RHOQ: variants seen among roughly 807,000 people sequenced by gnomAD.
RHOQ encodes ras homolog family member Q, also known as rho-related GTP-binding protein RhoQ.
In RHOQ, 7 loss-of-function variants were observed where a neutral mutation model predicts 25.8. The ratio of observed to expected loss-of-function variants is 0.27; its 90% CI spans 0.15 to 0.51. RHOQ has a LOEUF of 0.51. RHOQ is among the 20% of genes least tolerant of loss of function. The pLI is 0.97. For missense variants in RHOQ, 165 were observed against 260.6 expected (o/e 0.63, Z 2.53); for synonymous variants, 97 against 98.6 (o/e 0.98, Z 0.10).
chr2:46,581,454 A>G lies in RHOQ; in HGVS notation c.*371A>G. 1 of 1,606,006 alleles carries G rather than the reference A, an allele frequency of 6.2e-7. No homozygotes were observed. The highest frequency in any genetic ancestry group is 8.5e-7 in the Non-Finnish European group (1 of 1,176,524). ...GCCCAGCCCTTACAGAATCTGCACA[A>G]AGAAATATCTCCCTTTGCTCCAGTT... On this transcript the variant is annotated 3_prime_UTR_variant, in exon 5 of 5. Transcript: ENST00000238738.
At chr2:46,564,972 C>A (rs1436546215) in intron 2 of RHOQ, among the ~76,000 whole-genome samples, 2 of 152,200 alleles carry the variant, frequency 1.3e-5, no homozygotes, top group Non-Finnish European at 2.9e-5. Flanking sequence ...TGAATAATCT[C>A]CATGAGCTGC....
chr2:46,576,765 G>A lies in RHOQ; in HGVS notation c.462+109G>A. The stretch of plus-strand genomic sequence containing the variant: ...GTGTGCCAGGTGGAGTGCTTTACAT[G>A]CATTATCTCATTTAATCCTTGCATG... On this transcript the variant is annotated intron_variant, in intron 4 of 4. Transcript: ENST00000238738. The surrounding 1 kb of genome is among the most constrained non-coding windows in gnomAD (Gnocchi z 5.1). 2.9e-6 allele frequency: 2 copies of A among 694,066 alleles called. No homozygotes were observed. Among genetic ancestry groups the A allele is most frequent in the Non-Finnish European group, 4.9e-6 (2 of 411,206 alleles). 43.0% of individuals were successfully genotyped at this position (694,066 alleles called of 1,614,324 possible).
At chr2:46,557,875 A>G (rs1277901130) in intron 2 of RHOQ, among the ~76,000 whole-genome samples, 1 of 152,122 alleles carries the variant, frequency 6.6e-6, no homozygotes, top group Non-Finnish European at 1.5e-5. Context: ...TCCACTTCCT[A>G]TCCACCTTTC....
chr2:46,552,051 A>T lies in RHOQ; in HGVS notation c.201+8239A>T, dbSNP rs1252274182. Among the ~76,000 whole-genome samples the T allele has an allele frequency of 1.3e-5, 2 of 152,228 alleles. No homozygotes were observed. The highest frequency in any genetic ancestry group is 4.8e-5 in the African/African-American group (2 of 41,458). ...TCCCTAATCATCTGGCCCATGTTAA[A>T]TGCCTCTTTTATCACATGCACTGTT... On this transcript the variant is annotated intron_variant, in intron 2 of 4. Coordinates refer to ENST00000238738, the MANE Select transcript of RHOQ (RefSeq NM_012249.4). The surrounding 1 kb of genome is among the most constrained non-coding windows in gnomAD (Gnocchi z 5.0).
intron 2 of RHOQ, among the ~76,000 whole-genome samples, chr2:46,571,096 C>T (rs1012557027): frequency 6.6e-6 from 1 of 152,216 alleles, no homozygotes; most frequent in Admixed American, 6.5e-5. Flanking sequence ...CGTTCAAGTT[C>T]TCTCCATTCT....
intron 2 of RHOQ, among the ~76,000 whole-genome samples, chr2:46,561,991 T>C (rs1406060488): frequency 6.6e-6 from 1 of 152,154 alleles, no homozygotes; most frequent in Non-Finnish European, 1.5e-5. Context: ...CACTGGTTGC[T>C]TAACTAAGCC....
At position 46,543,064 on chromosome 2, in the gene RHOQ, C is replaced by A. The variant is rs750124368; in HGVS notation, c.18C>A (p.Gly6=). The change falls in exon 1 of 5, where the codon GGC becomes GGA. Residue 6 remains glycine (G), a synonymous_variant. Transcript: ENST00000238738. MAHGP[G]ALMLKCVVVG... Reference sequence around the variant, plus strand: ...GCAGCAGCATGGCTCACGGGCCCGGCGCGCTGATGCTCAAGTGCGTGGTGG... The same window carrying A: ...GCAGCAGCATGGCTCACGGGCCCGGAGCGCTGATGCTCAAGTGCGTGGTGG... 1.9e-6 allele frequency: 3 copies of A among 1,601,938 alleles called. No homozygotes were observed. In the African/African-American group the frequency reaches 4.1e-5, roughly 22 times the overall value.
intron 2 of RHOQ, among the ~76,000 whole-genome samples, chr2:46,553,224 T>C (rs1300423079): frequency 6.6e-6 from 1 of 152,180 alleles, no homozygotes; most frequent in Non-Finnish European, 1.5e-5. Flanking sequence ...GCAACCCATC[T>C]CCACCCCCTG....
At chr2:46,565,271 A>G (rs1668696549) in intron 2 of RHOQ, among the ~76,000 whole-genome samples, 1 of 152,192 alleles carries the variant, frequency 6.6e-6, no homozygotes, top group Non-Finnish European at 1.5e-5. Flanking sequence ...CCCCAGGGGC[A>G]TGTGTCTGAG....
rs573465366 is a variant in RHOQ, at chr2:46,565,741, C to T, written c.202-10346C>T. Among the ~76,000 whole-genome samples, 9 of 152,318 alleles carry T rather than the reference C, an allele frequency of 5.9e-5. No homozygotes were observed. The South Asian group carries it at 1.4e-3, about 25-fold the overall frequency. On this transcript the variant is annotated intron_variant, in intron 2 of 4. Transcript: ENST00000238738. ...CTCACTTCACCTTCCCATGAGCTAC[C>T]GTCATTGATTCAGCGGGAATGTAAT...
rs1025830194 is a variant in RHOQ, at chr2:46,548,482, G to A, written c.201+4670G>A. Reference sequence around the variant, plus strand: ...CACCCTTCAAGGTAGACTTCTCCCAGATGAGGAAATTGGGAACAAGTGGGC... The same window carrying A: ...CACCCTTCAAGGTAGACTTCTCCCAAATGAGGAAATTGGGAACAAGTGGGC... On this transcript the variant is annotated intron_variant, in intron 2 of 4. Transcript: ENST00000238738. The surrounding 1 kb of genome is among the most constrained non-coding windows in gnomAD (Gnocchi z 5.2). Among the ~76,000 whole-genome samples, 3 of 152,216 alleles carry A rather than the reference G, an allele frequency of 2.0e-5. No individual in the cohort carries two copies. Among genetic ancestry groups the A allele is most frequent in the African/African-American group, 7.2e-5 (3 of 41,460 alleles).
At chr2:46,575,797 C>T (rs1669102031) in intron 2 of RHOQ, among the ~76,000 whole-genome samples, 1 of 152,126 alleles carries the variant, frequency 6.6e-6, no homozygotes. Context: ...TTTGTGCAAA[C>T]TTTTTAGTTA....
Position 46,582,622 on chromosome 2 carries a change from T to C in RHOQ, c.*1539T>C, listed in dbSNP as rs998027956. ...CATTTAAACTTGCTGTTGCCCAAAT[T>C]ATAATTTTTTAAATGTCTTTGGTGG... On this transcript the variant is annotated 3_prime_UTR_variant, in exon 5 of 5. Transcript: ENST00000238738. 1 of 152,646 alleles carries C rather than the reference T, an allele frequency of 6.6e-6. No individual in the cohort carries two copies. Among genetic ancestry groups the C allele is most frequent in the Non-Finnish European group, 1.5e-5 (1 of 68,034 alleles). The allele number at this position is 152,646 out of a possible 1,614,324, so 9.5% of individuals were successfully genotyped here. A position where few individuals can be genotyped will look rare whatever the true frequency, so the allele number is the denominator to read the frequency against.
At chr2:46,567,679 A>T (rs774875417) in intron 2 of RHOQ, among the ~76,000 whole-genome samples, 13 of 152,110 alleles carry the variant, frequency 8.5e-5, no homozygotes, top group Non-Finnish European at 1.5e-4. Flanking sequence ...GGCATAAGCC[A>T]CTGCACCCAG....
chr2:46,546,747 G>C (rs1003476502), intron 2 of RHOQ, among the ~76,000 whole-genome samples: 3 of 151,824 alleles, frequency 2.0e-5, no homozygotes, highest in Non-Finnish European at 2.9e-5. Flanking sequence ...CTGATACTTT[G>C]TGCATAGTGG....
At chr2:46,563,320 G>A (rs1255543909) in intron 2 of RHOQ, among the ~76,000 whole-genome samples, 3 of 152,206 alleles carry the variant, frequency 2.0e-5, no homozygotes, top group Non-Finnish European at 4.4e-5. Flanking sequence ...TCAGTGAGGT[G>A]GCAGCTGACC....
At chr2:46,579,617 G>A (rs571930367) in intron 4 of RHOQ, among the ~76,000 whole-genome samples, 5 of 152,256 alleles carry the variant, frequency 3.3e-5, no homozygotes, top group African/African-American at 7.2e-5. Flanking sequence ...TTGGGAGCCC[G>A]AGGCGGGCAG....
Position 46,555,783 on chromosome 2 carries a change from G to A in RHOQ, c.201+11971G>A, listed in dbSNP as rs555619593. 2.6e-4 allele frequency among the ~76,000 whole-genome samples: 39 copies of A among 152,238 alleles called. 1 individual carries two copies. The South Asian group carries it at 3.9e-3, about 15-fold the overall frequency. On this transcript the variant is annotated intron_variant, in intron 2 of 4. Coordinates refer to ENST00000238738, the MANE Select transcript of RHOQ (RefSeq NM_012249.4). This position sits in a 1 kb window ranked among gnomAD's most constrained non-coding sequence, Gnocchi z 4.3. ...GGCCTGTGGCCCTCTGTGATAAGTC[G>A]GTAGGAGGGGGACATGGTGAGGATG...
At position 46,580,976 on chromosome 2, in the gene RHOQ, T is replaced by C. The variant is rs368360741; in HGVS notation, c.511T>C (p.Leu171=). 7 of 1,579,930 alleles carry C rather than the reference T, an allele frequency of 4.4e-6. No individual in the cohort carries two copies. Among genetic ancestry groups the C allele is most frequent in the African/African-American group, 4.1e-5 (3 of 72,952 alleles). Residue 171 remains leucine (L), a synonymous_variant, in exon 5 of 5, where the codon TTG becomes CTG. Transcript: ENST00000238738. Reference sequence around the variant, plus strand: ...ATGTTCAGCTTTAACCCAGAAGGGATTGAAGACTGTTTTTGATGAGGCTAT... The same window carrying C: ...ATGTTCAGCTTTAACCCAGAAGGGACTGAAGACTGTTTTTGATGAGGCTAT... ...VECSALTQKG[L]KTVFDEAIIA...
Sources: gnomAD v4.1 joint callset for allele counts (sites outside exome capture counted in the v4.1 genomes callset) on GRCh38, gnomAD v4.1.1 for gene constraint, Gnocchi (gnomAD v3.1) non-coding constraint, MANE v1.5 for transcripts, NCBI Gene and HGNC (gene_info 2026-07-23, HGNC 2026-07-21) for gene names.